The following LMAN2 variants were observed in gnomAD, a reference collection of about 807,000 sequenced individuals.
LMAN2 encodes the protein vesicular integral-membrane protein VIP36.
LMAN2 carries 22 observed loss-of-function variants against 39.3 expected under a neutral mutation model. The observed-to-expected ratio is 0.56, with a 90% confidence interval of 0.40 to 0.80. The LOEUF (loss-of-function observed/expected upper bound fraction) is 0.80. LMAN2 is among the 30% of genes least tolerant of loss of function. The pLI, the probability that LMAN2 is intolerant of heterozygous loss-of-function variation, is 0.00. For synonymous variants in LMAN2, 207 were observed against 207.8 expected (o/e 1.00, Z 0.03); for missense variants, 494 against 505.4 (o/e 0.98, Z 0.22).
Position 177,337,981 on chromosome 5 carries a change from G to A in LMAN2, c.434-196C>T, listed in dbSNP as rs1423674240. Among the ~76,000 whole-genome samples the A allele has an allele frequency of 6.6e-6, 1 of 151,958 alleles. No homozygotes were observed. The highest frequency in any genetic ancestry group is 1.9e-4 in the East Asian group (1 of 5,172). ...GTGGGGGGTCTAGGCATATGACACA[G>A]AGGACTCAAGTTTGAAGGCTGAACT... On this transcript the variant is annotated intron_variant, in intron 3 of 7. Coordinates refer to ENST00000303127, the MANE Select transcript of LMAN2 (RefSeq NM_006816.3). The surrounding 1 kb of genome is among the most constrained non-coding windows in gnomAD (Gnocchi z 8.2).
chr5:177,343,490 C>T, intron 2 of LMAN2, among the ~76,000 whole-genome samples: 1 of 80,278 alleles, frequency 1.2e-5, no homozygotes, highest in East Asian at 2.2e-4. Flanking sequence ...CACTGCAGCA[C>T]TATTCACAAT....
intron 2 of LMAN2, 150 bp downstream of exon 2, chr5:177,351,023 G>A (rs772629602): frequency 8.3e-6 from 6 of 720,390 alleles, no homozygotes; most frequent in African/African-American, 1.7e-5. Flanking sequence ...AATACCCATC[G>A]CCTCTTATTA....
intron 2 of LMAN2, among the ~76,000 whole-genome samples, chr5:177,341,875 A>C (rs182163206): frequency 6.6e-6 from 1 of 152,374 alleles, no homozygotes; most frequent in East Asian, 1.9e-4. Context: ...ACACATTATC[A>C]TTAGTCTTTG....
Position 177,351,617 on chromosome 5 carries a change from C to CCCAACGCCAAATCCAGCCTT in LMAN2, c.11_30dup (p.Gly11LysfsTer39). On this transcript the variant is annotated frameshift_variant, in exon 1 of 8. Transcript: ENST00000303127. LOFTEE classifies it high-confidence loss of function. ...CTTCCCAGGCACCGCCGGCCCCAGCCCCAACGCCAAATCCAGCCTTCCGCC... is the reference window on the plus strand; with the variant it reads ...CTTCCCAGGCACCGCCGGCCCCAGCCCCAACGCCAAATCCAGCCTTCCAACGCCAAATCCAGCCTTCCGCC... 6.2e-7 allele frequency: 1 copy of CCCAACGCCAAATCCAGCCTT among 1,601,458 alleles called. No individual in the cohort carries two copies. The highest frequency in any genetic ancestry group is 1.1e-5 in the South Asian group (1 of 90,082).
intron 7 of LMAN2, among the ~76,000 whole-genome samples, chr5:177,333,002 C>T (rs1761413579): frequency 6.6e-6 from 1 of 152,228 alleles, no homozygotes; most frequent in Non-Finnish European, 1.5e-5. Context: ...CTTTCAGCGA[C>T]GTGCATGCCA....
rs200117951 is a variant in LMAN2, at chr5:177,337,831, G to C, written c.434-46C>G. 1.3e-5 allele frequency: 20 copies of C among 1,559,938 alleles called. No homozygotes were observed. Among genetic ancestry groups the C allele is most frequent in the Non-Finnish European group, 1.8e-5 (20 of 1,137,000 alleles). On this transcript the variant is annotated intron_variant, in intron 3 of 7. Coordinates refer to ENST00000303127, the MANE Select transcript of LMAN2 (RefSeq NM_006816.3). This position sits in a 1 kb window ranked among gnomAD's most constrained non-coding sequence, Gnocchi z 8.2. ...TCTCAGAATGGGAGAAACAGGAGCCGTCCCATGGGTACCTAAAAGGCAAGC... is the reference window on the plus strand; with the variant it reads ...TCTCAGAATGGGAGAAACAGGAGCCCTCCCATGGGTACCTAAAAGGCAAGC...
In LMAN2 at chr5:177,334,171, C is replaced by G; in HGVS notation, c.910+113G>C. On this transcript the variant is annotated intron_variant, in intron 7 of 7. Coordinates refer to ENST00000303127, the MANE Select transcript of LMAN2 (RefSeq NM_006816.3). ...GCCAGGACCGGGCTGATCCAAGAGC[C>G]CAGACCACAACCACCACAACCACGA... The G allele has an allele frequency of 2.0e-6, 3 of 1,468,094 alleles. No individual in the cohort carries two copies. In the South Asian group the frequency reaches 4.1e-5, roughly 20 times the overall value. The allele number at this position is 1,468,094 out of a possible 1,614,324, so 90.9% of individuals were successfully genotyped here.
chr5:177,349,814 CG>C (rs1464018004), intron 2 of LMAN2, among the ~76,000 whole-genome samples: 1 of 152,064 alleles, frequency 6.6e-6, no homozygotes, highest in Non-Finnish European at 1.5e-5. Context: ...GAATGTGACT[CG>C]GGGGAGATAG....
At chr5:177,338,336 G>A in intron 3 of LMAN2, 152 bp downstream of exon 3, 1 of 645,536 alleles carries the variant, frequency 1.5e-6, no homozygotes, top group Non-Finnish European at 2.7e-6. Flanking sequence ...CGGAGGCGCA[G>A]GACTTTATCC....
intron 7 of LMAN2, among the ~76,000 whole-genome samples, chr5:177,333,139 G>A (rs1234304211): frequency 6.6e-6 from 1 of 152,306 alleles, no homozygotes; most frequent in African/African-American, 2.4e-5. Flanking sequence ...CTGACCGAAC[G>A]CGGAGGTCCC....
In LMAN2 at chr5:177,332,232, G is replaced by T. The variant is rs772111319; in HGVS notation, c.925C>A (p.Pro309Thr). The stretch of plus-strand genomic sequence containing the variant: ...GGCCCGCTGCGGAAGTTCCCCGTGG[G>T]GTCGTCCACGTTGTCTGGGGGAGAA... ...LKSPKDNVDD[P>T]TGNFRSGPLT... The change falls in exon 8 of 8, where the codon CCC (proline) becomes ACC (threonine). Residue 309 changes from proline (P) to threonine (T), a missense_variant. Transcript: ENST00000303127. The surrounding 1 kb of genome is among the most constrained non-coding windows in gnomAD (Gnocchi z 6.3). 5 of 1,612,662 alleles carry T rather than the reference G, an allele frequency of 3.1e-6. No homozygotes were observed. The highest frequency in any genetic ancestry group is 4.2e-6 in the Non-Finnish European group (5 of 1,179,704).
At chr5:177,341,415 C>A (rs1193870683) in intron 2 of LMAN2, among the ~76,000 whole-genome samples, 1 of 152,094 alleles carries the variant, frequency 6.6e-6, no homozygotes, top group Non-Finnish European at 1.5e-5. Flanking sequence ...GGAAAAAAGG[C>A]AATGACTCTC....
chr5:177,333,480 T>C (rs1480512944), intron 7 of LMAN2, among the ~76,000 whole-genome samples: 1 of 152,248 alleles, frequency 6.6e-6, no homozygotes, highest in East Asian at 1.9e-4. Flanking sequence ...CCCAAAACAT[T>C]TCAAAATAAT....
At position 177,332,189 on chromosome 5, in the gene LMAN2, A is replaced by G. The variant is rs371787791; in HGVS notation, c.968T>C (p.Val323Ala). Reference sequence around the variant, plus strand: ...GAGAGCGCACAGCAGCAGCAGGAACACCCGCCACCCCGTCAGGGGCCCGCT... The same window carrying G: ...GAGAGCGCACAGCAGCAGCAGGAACGCCCGCCACCCCGTCAGGGGCCCGCT... ...FRSGPLTGWR[V>A]FLLLLCALLG... Residue 323 changes from valine (V) to alanine (A), a missense_variant, in exon 8 of 8, where the codon GTG becomes GCG. Coordinates refer to ENST00000303127, the MANE Select transcript of LMAN2 (RefSeq NM_006816.3). The surrounding 1 kb of genome is among the most constrained non-coding windows in gnomAD (Gnocchi z 6.3). 2.2e-5 allele frequency: 35 copies of G among 1,612,764 alleles called. No individual in the cohort carries two copies. Among genetic ancestry groups the G allele is most frequent in the Non-Finnish European group, 2.8e-5 (33 of 1,179,768 alleles).
Position 177,336,990 on chromosome 5 carries a change from A to G in LMAN2, c.790+146T>C, listed in dbSNP as rs935166771. On this transcript the variant is annotated intron_variant, in intron 6 of 7. Coordinates refer to ENST00000303127, the MANE Select transcript of LMAN2 (RefSeq NM_006816.3). Reference sequence around the variant, plus strand: ...AAACCACAGGAACTGAGGCCCGGACAGGCCATTTACAGAAGAAAGGAGGAG... The same window carrying G: ...AAACCACAGGAACTGAGGCCCGGACGGGCCATTTACAGAAGAAAGGAGGAG... The G allele has an allele frequency of 1.4e-4, 87 of 612,806 alleles. 2 individuals carry two copies. The Middle Eastern group carries it at 3.8e-3, about 27-fold the overall frequency. 38.0% of individuals were successfully genotyped at this position (612,806 alleles called of 1,614,324 possible).
At chr5:177,338,700 C>T in intron 2 of LMAN2, 95 bp from the exon 3 acceptor site, 1 of 956,768 alleles carries the variant, frequency 1.0e-6, no homozygotes, top group South Asian at 1.3e-5. Context: ...ACAGACCTCT[C>T]TTCTCTCCCC....
In LMAN2 at chr5:177,351,659, C is replaced by A; in HGVS notation, c.-12G>T. 1.3e-6 allele frequency: 2 copies of A among 1,568,966 alleles called. No individual in the cohort carries two copies. Among genetic ancestry groups the A allele is most frequent in the Admixed American group, 2.0e-5 (1 of 50,698 alleles). ...CCTTCCGCCGCCATTCTCCTCTCCTCTCGGCCACTTCCGCCCTAGAACTTC... is the reference window on the plus strand; with the variant it reads ...CCTTCCGCCGCCATTCTCCTCTCCTATCGGCCACTTCCGCCCTAGAACTTC... On this transcript the variant is annotated 5_prime_UTR_variant, in exon 1 of 8. Coordinates refer to ENST00000303127, the MANE Select transcript of LMAN2 (RefSeq NM_006816.3).
chr5:177,337,233 C>T lies in LMAN2; in HGVS notation c.693G>A (p.Glu231=). The change falls in exon 6 of 8, where the codon GAG becomes GAA. Residue 231 remains glutamate, a synonymous_variant. Coordinates refer to ENST00000303127, the MANE Select transcript of LMAN2 (RefSeq NM_006816.3). The surrounding 1 kb of genome is among the most constrained non-coding windows in gnomAD (Gnocchi z 8.2). ...RGRLTVMTDL[E]DKNEWKNCID... ...TGCAGTTCTTCCACTCGTTCTTGTC[C>T]TCCAGGTCGGTCATCACCTGCAGGG... 1 of 1,614,024 alleles carries T rather than the reference C, an allele frequency of 6.2e-7. No homozygotes were observed. Among genetic ancestry groups the T allele is most frequent in the Non-Finnish European group, 8.5e-7 (1 of 1,179,960 alleles).
chr5:177,344,281 C>CTTTT (rs59101629), intron 2 of LMAN2, among the ~76,000 whole-genome samples: 1 of 82,288 alleles, frequency 1.2e-5, no homozygotes, highest in Non-Finnish European at 2.3e-5. Context: ...CGCTTTGTTA[C>CTTTT]TTTTTTTTTT....
Sources: allele counts gnomAD v4.1 joint callset (sites outside exome capture counted in the v4.1 genomes callset), GRCh38; gene constraint gnomAD v4.1.1; non-coding constraint Gnocchi (gnomAD v3.1); transcripts MANE v1.5; gene names NCBI Gene and HGNC (gene_info 2026-07-23, HGNC 2026-07-21).